Variants in CXXC4 observed in about 807,000 individuals in gnomAD.
CXXC4 encodes CXXC-type zinc finger protein 4.
Under a neutral mutation model 20.5 loss-of-function variants are expected in CXXC4, and 5 were observed. The ratio of observed to expected loss-of-function variants is 0.24; its 90% confidence interval spans 0.13 to 0.51. The LOEUF is 0.51. Among genes scored for constraint, CXXC4 ranks in the 20% least tolerant of loss-of-function variants. The pLI is 0.97. For missense variants in CXXC4, 419 were observed against 496.4 expected (o/e 0.84, Z 1.48); for synonymous variants, 250 against 216.4 (o/e 1.16, Z -1.36).
chr4:104,490,911 C>T lies in CXXC4; in HGVS notation c.892G>A (p.Ala298Thr). Residue 298 changes from alanine (A) to threonine (T), a missense_variant, in exon 2 of 3, where the codon GCC (alanine) becomes ACC (threonine). Physicochemically the swap from Ala to Thr is moderately conservative, Grantham distance 58 (BLOSUM62 0). This residue lies in a region of CXXC4 where 388 missense variants were observed against 416.0 expected (regional missense o/e 0.93). Coordinates refer to ENST00000394767, the MANE Select transcript of CXXC4 (RefSeq NM_025212.4). ...SSSSSGGAGG[A>T]NPAKKKRKRC... Reference sequence around the variant, plus strand: ...TTCCTCTTCTTCTTGGCTGGGTTGGCTCCGCCAGCTCCCCCTGAGGAGGAC... The same window carrying T: ...TTCCTCTTCTTCTTGGCTGGGTTGGTTCCGCCAGCTCCCCCTGAGGAGGAC... The T allele has an allele frequency of 6.2e-7, 1 of 1,614,148 alleles. No homozygotes were observed. Among genetic ancestry groups the T allele is most frequent in the Non-Finnish European group, 8.5e-7 (1 of 1,180,034 alleles).
chr4:104,475,073 G>A (rs1560538650), intron 2 of CXXC4: 2 of 152,156 alleles, frequency 1.3e-5, no homozygotes. Context: ...CAGAAAAAAG[G>A]TTTTCTACAC....
chr4:104,489,279 A>C (rs913308622), intron 2 of CXXC4, among the ~76,000 whole-genome samples: 1 of 152,208 alleles, frequency 6.6e-6, no homozygotes, highest in Non-Finnish European at 1.5e-5. Context: ...TAATGACATC[A>C]ACATAATTCT....
intron 2 of CXXC4, among the ~76,000 whole-genome samples, chr4:104,481,126 G>A (rs1736548840): frequency 6.6e-6 from 1 of 152,126 alleles, no homozygotes; most frequent in Non-Finnish European, 1.5e-5. Flanking sequence ...GATGAGTCAA[G>A]GAATCCTAAG....
At chr4:104,489,759 T>C (rs1736791592) in intron 2 of CXXC4, among the ~76,000 whole-genome samples, 1 of 152,196 alleles carries the variant, frequency 6.6e-6, no homozygotes, top group African/African-American at 2.4e-5. Context: ...TTATCAAAGG[T>C]ATCAATCTCT....
At chr4:104,480,854 C>G (rs1179182231) in intron 2 of CXXC4, among the ~76,000 whole-genome samples, 2 of 148,380 alleles carry the variant, frequency 1.3e-5, no homozygotes, top group East Asian at 2.0e-4. Flanking sequence ...TCTTCCCTCC[C>G]TCCCTCCCTC....
At chr4:104,489,825 A>G (rs1736794230) in intron 2 of CXXC4, among the ~76,000 whole-genome samples, 2 of 152,204 alleles carry the variant, frequency 1.3e-5, no homozygotes, top group South Asian at 4.1e-4. Flanking sequence ...GCATCTGTAC[A>G]ATATCTGTTT....
intron 2 of CXXC4, among the ~76,000 whole-genome samples, chr4:104,474,009 G>C (rs549748222): frequency 1.3e-5 from 2 of 151,964 alleles, no homozygotes; most frequent in South Asian, 4.2e-4. Context: ...CATGCTTTTC[G>C]CTATCTGTAC....
At position 104,471,490 on chromosome 4, in the gene CXXC4, T is replaced by C. The variant is rs1489823719; in HGVS notation, c.*832A>G. 1 of 152,026 alleles carries C rather than the reference T, an allele frequency of 6.6e-6. No homozygotes were observed. The highest frequency in any genetic ancestry group is 2.4e-5 in the African/African-American group (1 of 41,428). 9.4% of individuals were successfully genotyped at this position (152,026 alleles called of 1,614,324 possible). On this transcript the variant is annotated 3_prime_UTR_variant, in exon 3 of 3. Transcript: ENST00000394767. ...TTCTGCATTTTCCAACTACTCTGAG[T>C]ACTCTGCCTTACAGTGCAACCCAAG... is the stretch of plus-strand genomic sequence containing the variant.
chr4:104,470,826 C>A lies in CXXC4; in HGVS notation c.*1496G>T, dbSNP rs1736253065. On this transcript the variant is annotated 3_prime_UTR_variant, in exon 3 of 3. Coordinates refer to ENST00000394767, the MANE Select transcript of CXXC4 (RefSeq NM_025212.4). The stretch of plus-strand genomic sequence containing the variant: ...AAATAGTCTTTATAATTGGGACAAA[C>A]AGAAATAAAATGGAAGGTAAATATT... 6.6e-6 allele frequency: 1 copy of A among 151,954 alleles called. No homozygotes were observed. The highest frequency in any genetic ancestry group is 1.5e-5 in the Non-Finnish European group (1 of 67,960). The allele number at this position is 151,954 out of a possible 1,614,324, so 9.4% of individuals were successfully genotyped here. A position where few individuals can be genotyped will look rare whatever the true frequency, so the allele number is the denominator to read the frequency against.
intron 2 of CXXC4, among the ~76,000 whole-genome samples, chr4:104,485,763 T>C (rs891503729): frequency 2.0e-5 from 3 of 152,150 alleles, no homozygotes; most frequent in Admixed American, 6.5e-5. Flanking sequence ...CAAATGCCTG[T>C]TCTTTTTGCA....
chr4:104,476,505 T>C (rs908600211), intron 2 of CXXC4, among the ~76,000 whole-genome samples: 2 of 152,188 alleles, frequency 1.3e-5, no homozygotes, highest in Non-Finnish European at 2.9e-5. Context: ...GTGTAAAATG[T>C]AGCAATATTT....
chr4:104,486,786 T>C (rs899892798), intron 2 of CXXC4, among the ~76,000 whole-genome samples: 1 of 152,156 alleles, frequency 6.6e-6, no homozygotes, highest in Non-Finnish European at 1.5e-5. Flanking sequence ...CTAAAAGCTC[T>C]TAGTTTGAGT....
chr4:104,477,999 G>C (rs180858943), intron 2 of CXXC4, among the ~76,000 whole-genome samples: 1 of 152,244 alleles, frequency 6.6e-6, no homozygotes, highest in East Asian at 1.9e-4. Context: ...TTAAAAAGGG[G>C]AAAGCACCAA....
intron 2 of CXXC4, among the ~76,000 whole-genome samples, chr4:104,475,438 T>C (rs1242267786): frequency 6.6e-6 from 1 of 152,126 alleles, no homozygotes; most frequent in Non-Finnish European, 1.5e-5. Context: ...TCTAATCTCC[T>C]GCCCAATTTT....
At chr4:104,478,960 T>C (rs186973206) in intron 2 of CXXC4, among the ~76,000 whole-genome samples, 403 of 152,136 alleles carry the variant, frequency 2.6e-3, no homozygotes, top group Non-Finnish European at 4.6e-3. Flanking sequence ...ATATATATGG[T>C]TATAGACTCT....
intron 2 of CXXC4, among the ~76,000 whole-genome samples, chr4:104,484,545 T>C (rs1736635679): frequency 1.3e-5 from 2 of 151,908 alleles, no homozygotes; most frequent in Admixed American, 6.6e-5. Context: ...AAAAACATAG[T>C]GGGAAATAAA....
chr4:104,477,412 A>G (rs1736439494), intron 2 of CXXC4, among the ~76,000 whole-genome samples: 1 of 152,146 alleles, frequency 6.6e-6, no homozygotes, highest in Non-Finnish European at 1.5e-5. Context: ...TTACGTATAC[A>G]GTATTGTGAA....
chr4:104,473,926 A>G (rs1201158324), intron 2 of CXXC4, among the ~76,000 whole-genome samples: 1 of 151,980 alleles, frequency 6.6e-6, no homozygotes, highest in Non-Finnish European at 1.5e-5. Flanking sequence ...TAATTATGTC[A>G]TCTAATAATA....
intron 1 of CXXC4, among the ~76,000 whole-genome samples, chr4:104,492,739 TAATTC>T (rs1215391286): frequency 6.6e-6 from 1 of 152,044 alleles, no homozygotes; most frequent in African/African-American, 2.4e-5. Flanking sequence ...GTTAGGGTCT[TAATTC>T]AATGGACCAA....
Sources: gnomAD v4.1 joint callset for allele counts (sites outside exome capture counted in the v4.1 genomes callset) on GRCh38, gnomAD v4.1.1 for gene constraint, gnomAD v4.1.1 regional missense constraint, MANE v1.5 for transcripts, NCBI Gene and HGNC (gene_info 2026-07-23, HGNC 2026-07-21) for gene names.